CFAP46: variants seen among roughly 807,000 people sequenced by gnomAD.
CFAP46 encodes the protein cilia and flagella associated protein 46, also known as cilia- and flagella-associated protein 46.
CFAP46 carries 245 observed loss-of-function variants against 325.7 expected under a neutral mutation model. That is an observed-to-expected ratio of 0.75 (90% CI 0.68 to 0.84). The LOEUF is 0.84. Ranked by LOEUF, CFAP46 falls within the 40% of genes least tolerant of loss-of-function variation. The pLI, the probability that CFAP46 is intolerant of heterozygous loss-of-function variation, is 0.00. For missense variants in CFAP46, 3,346 were observed against 3,543.0 expected (o/e 0.94, Z 1.41); for synonymous variants, 1,523 against 1,495.9 (o/e 1.02, Z -0.42).
chr10:132,823,901 CTGTGTGA>C (rs1564767604), intron 50 of CFAP46, among the ~76,000 whole-genome samples: 2 of 135,178 alleles, frequency 1.5e-5, no homozygotes, highest in East Asian at 4.8e-4. Flanking sequence ...GCGCTGTGTG[CTGTGTGA>C]GCGCTGATGT....
In CFAP46 at chr10:132,920,893, G is replaced by A. The variant is rs558402898; in HGVS notation, c.1607-711C>T. On this transcript the variant is annotated intron_variant, in intron 13 of 57. Transcript: ENST00000368586. Reference sequence around the variant, plus strand: ...GACCCCCAGGCAGCCAGCAGCACACGCCCATGAGTGAAAGGAGTCAGGAAG... The same window carrying A: ...GACCCCCAGGCAGCCAGCAGCACACACCCATGAGTGAAAGGAGTCAGGAAG... Among the ~76,000 whole-genome samples, 4 of 152,346 alleles carry A rather than the reference G, an allele frequency of 2.6e-5. No homozygotes were observed. The East Asian group carries it at 5.8e-4, about 22-fold the overall frequency.
At chr10:132,879,339 T>G in intron 29 of CFAP46, 87 bp downstream of exon 29, 3 of 1,288,156 alleles carry the variant, frequency 2.3e-6, no homozygotes, top group Non-Finnish European at 3.1e-6. Context: ...GACTCTGACA[T>G]CTTTACAACG....
In CFAP46 at chr10:132,832,222, G is replaced by A. The variant is rs190066064; in HGVS notation, c.7117+1136C>T. Among the ~76,000 whole-genome samples the A allele has an allele frequency of 4.4e-3, 675 of 151,990 alleles. 7 individuals are homozygous for A. The highest frequency in any genetic ancestry group is 0.03 in the South Asian group (145 of 4,812). ...CAGAGCTGTCTGTTTCCCTGGACTC[G>A]CACACAGGTGGTGGCTGTCTTCCTG... On this transcript the variant is annotated intron_variant, in intron 50 of 57. Transcript: ENST00000368586. The surrounding 1 kb of genome is among the most constrained non-coding windows in gnomAD (Gnocchi z 4.1).
Position 132,808,984 on chromosome 10 carries a change from G to A in CFAP46, c.7665-80C>T, listed in dbSNP as rs1202824264. On this transcript the variant is annotated intron_variant, in intron 57 of 57. Coordinates refer to ENST00000368586, the MANE Select transcript of CFAP46 (RefSeq NM_001200049.3). The surrounding 1 kb of genome is among the most constrained non-coding windows in gnomAD (Gnocchi z 6.8). ...CCGGTGAGGACCAGGGCACAGGGGC[G>A]GGAAGTGGCAGCTGCTCCAACTGAG... 65 of 1,385,018 alleles carry A rather than the reference G, an allele frequency of 4.7e-5. No homozygotes were observed. Among genetic ancestry groups the A allele is most frequent in the Non-Finnish European group, 6.1e-5 (63 of 1,033,266 alleles). 85.8% of individuals were successfully genotyped at this position (1,385,018 alleles called of 1,614,324 possible). A position where few individuals can be genotyped will look rare whatever the true frequency, so the allele number is the denominator to read the frequency against.
rs1340618069 is a variant in CFAP46 at position 132,939,270 on chromosome 10, G to A, written c.372-517C>T. ...AAGGTCAGGAAGATGGAGGAGAAGG[G>A]AGGAACCTTTGGGAAACAAAGTTCC... On this transcript the variant is annotated intron_variant, in intron 4 of 57. Transcript: ENST00000368586. This position sits in a 1 kb window ranked among gnomAD's most constrained non-coding sequence, Gnocchi z 4.6. 6.6e-6 allele frequency among the ~76,000 whole-genome samples: 1 copy of A among 152,230 alleles called. No homozygotes were observed. Among genetic ancestry groups the A allele is most frequent in the South Asian group, 2.1e-4 (1 of 4,836 alleles).
intron 22 of CFAP46, among the ~76,000 whole-genome samples, chr10:132,905,360 C>T (rs1409036006): frequency 4.6e-5 from 7 of 152,086 alleles, no homozygotes; most frequent in African/African-American, 1.4e-4. Flanking sequence ...TGCAGTCAGA[C>T]AGCTCTCTCC....
intron 54 of CFAP46, among the ~76,000 whole-genome samples, chr10:132,813,904 C>T (rs1005858382): frequency 6.6e-6 from 1 of 152,190 alleles, no homozygotes; most frequent in Admixed American, 6.5e-5. Context: ...GAGGCAGCCC[C>T]TGCTGCTGGA....
intron 22 of CFAP46, 92 bp from the exon 23 acceptor site, chr10:132,899,758 AG>A: frequency 7.2e-7 from 1 of 1,395,814 alleles, no homozygotes; most frequent in Non-Finnish European, 9.5e-7. Flanking sequence ...TGGACTACAC[AG>A]GTGGTATTCT....
In CFAP46 at chr10:132,880,537, G is replaced by A. The variant is rs560997322; in HGVS notation, c.3799+324C>T. 3.9e-5 allele frequency among the ~76,000 whole-genome samples: 6 copies of A among 152,326 alleles called. No individual in the cohort carries two copies. The East Asian group carries it at 5.8e-4, about 15-fold the overall frequency. On this transcript the variant is annotated intron_variant, in intron 28 of 57. Transcript: ENST00000368586. ...TCCTGAGGAAGGCTGCCTCTGGGCC[G>A]GCCCAGCTGTGTGCCCGAGAACATG...
chr10:132,816,088 C>T (rs1026006302), intron 50 of CFAP46, among the ~76,000 whole-genome samples: 1 of 152,304 alleles, frequency 6.6e-6, no homozygotes, highest in South Asian at 2.1e-4. Flanking sequence ...TTCCTGGCAT[C>T]GGAAGGTGTT....
At chr10:132,881,186 T>G (rs1223230747) in intron 27 of CFAP46, among the ~76,000 whole-genome samples, 154 bp from the exon 28 acceptor site, 2 of 152,196 alleles carry the variant, frequency 1.3e-5, no homozygotes, top group Non-Finnish European at 1.5e-5. Context: ...GAGACCAAGT[T>G]GCCATTTAGG....
chr10:132,920,427 C>T (rs1348460048), intron 13 of CFAP46, among the ~76,000 whole-genome samples: 1 of 152,200 alleles, frequency 6.6e-6, no homozygotes, highest in Non-Finnish European at 1.5e-5. Context: ...GCTCCAGGAA[C>T]TTTGGAGCAG....
At chr10:132,925,720 C>T (rs969617357) in intron 10 of CFAP46, among the ~76,000 whole-genome samples, 8 of 152,292 alleles carry the variant, frequency 5.3e-5, no homozygotes, top group African/African-American at 1.7e-4. Flanking sequence ...AGGAGCAAGT[C>T]CACAGCGGCA....
At chr10:132,878,315 C>G (rs1848986694) in intron 29 of CFAP46, among the ~76,000 whole-genome samples, 1 of 152,232 alleles carries the variant, frequency 6.6e-6, no homozygotes, top group Non-Finnish European at 1.5e-5. Context: ...GCCCGTGAGC[C>G]TGCTGGCTCC....
chr10:132,869,284 C>T lies in CFAP46; in HGVS notation c.4600G>A (p.Glu1534Lys). ...TGGGACGGCACACACCTGGCCTGCT[C>T]CAGCTCGCTGACGCACACCTGCCCG... is the stretch of plus-strand genomic sequence containing the variant. ...AVGQVCVSEL[E>K]QASCRKEIAL... Residue 1534 changes from glutamate (E) to lysine (K), a missense_variant, in exon 33 of 58, where the codon GAG becomes AAG. Glu to Lys is a moderately conservative substitution (Grantham distance 56, BLOSUM62 1). Coordinates refer to ENST00000368586, the MANE Select transcript of CFAP46 (RefSeq NM_001200049.3). This position sits in a 1 kb window ranked among gnomAD's most constrained non-coding sequence, Gnocchi z 6.2. 1 of 1,536,336 alleles carries T rather than the reference C, an allele frequency of 6.5e-7. No individual in the cohort carries two copies. The highest frequency in any genetic ancestry group is 8.8e-7 in the Non-Finnish European group (1 of 1,142,310).
Position 132,869,279 on chromosome 10 carries a change from C to T in CFAP46, c.4605G>A (p.Gln1535=). 1 of 1,534,584 alleles carries T rather than the reference C, an allele frequency of 6.5e-7. No individual in the cohort carries two copies. The highest frequency in any genetic ancestry group is 8.8e-7 in the Non-Finnish European group (1 of 1,141,132). Residue 1535 remains glutamine, a synonymous_variant, in exon 33 of 58, where the codon CAG becomes CAA. Coordinates refer to ENST00000368586, the MANE Select transcript of CFAP46 (RefSeq NM_001200049.3). This position sits in a 1 kb window ranked among gnomAD's most constrained non-coding sequence, Gnocchi z 6.2. ...CAGGGTGGGACGGCACACACCTGGCCTGCTCCAGCTCGCTGACGCACACCT... is the reference window on the plus strand; with the variant it reads ...CAGGGTGGGACGGCACACACCTGGCTTGCTCCAGCTCGCTGACGCACACCT... ...VGQVCVSELE[Q]ASCRKEIALK...
Position 132,876,764 on chromosome 10 carries a change from C to A in CFAP46, c.4362+48G>T. On this transcript the variant is annotated intron_variant, in intron 31 of 57. Coordinates refer to ENST00000368586, the MANE Select transcript of CFAP46 (RefSeq NM_001200049.3). The surrounding 1 kb of genome is among the most constrained non-coding windows in gnomAD (Gnocchi z 4.1). ...TGGACTTGGGGACAGGTCAAGGGGA[C>A]ACCATGCTGTGACCAAGGTCTTGAG... The A allele has an allele frequency of 6.6e-7, 1 of 1,523,960 alleles. No homozygotes were observed. 94.4% of individuals were successfully genotyped at this position (1,523,960 alleles called of 1,614,324 possible).
At chr10:132,894,807 T>C (rs1221707264) in intron 24 of CFAP46, among the ~76,000 whole-genome samples, 1 of 152,152 alleles carries the variant, frequency 6.6e-6, no homozygotes, top group African/African-American at 2.4e-5. Context: ...AGAGATTAAA[T>C]TAGTAATCAA....
At chr10:132,849,496 G>C (rs1848498685) in intron 41 of CFAP46, among the ~76,000 whole-genome samples, 1 of 152,216 alleles carries the variant, frequency 6.6e-6, no homozygotes, top group African/African-American at 2.4e-5. Context: ...TGCTGGGGCA[G>C]GTGCCTTCCG....
Sources: gnomAD v4.1 joint callset for allele counts (sites outside exome capture counted in the v4.1 genomes callset) on GRCh38, gnomAD v4.1.1 for gene constraint, Gnocchi (gnomAD v3.1) non-coding constraint, MANE v1.5 for transcripts, NCBI Gene and HGNC (gene_info 2026-07-23, HGNC 2026-07-21) for gene names.